Variants in NRXN1 observed in about 807,000 individuals in gnomAD.
NRXN1 encodes neurexin 1.
Under a neutral mutation model 150.9 loss-of-function variants are expected in NRXN1, and 39 were observed. The observed-to-expected ratio is 0.26, with a 90% CI of 0.20 to 0.34. The LOEUF (loss-of-function observed/expected upper bound fraction) is 0.34, where lower values mean the gene tolerates loss of function less well. Among genes scored for constraint, NRXN1 ranks in the 10% least tolerant of loss-of-function variants. The pLI is 1.00. For missense variants in NRXN1, 1,815 were observed against 1,949.9 expected (o/e 0.93, Z 1.30); for synonymous variants, 924 against 757.0 (o/e 1.22, Z -3.62).
chr2:50,575,228 C>A lies in NRXN1; in HGVS notation c.1321-22203G>T, dbSNP rs1350645231. The stretch of plus-strand genomic sequence containing the variant: ...TCACAAAAGCACTCTTATTGCAGAT[C>A]ATTTTTAATCGGAAAACTCAGTAAT... On this transcript the variant is annotated intron_variant, in intron 8 of 22. Transcript: ENST00000401669. 1.1e-4 allele frequency among the ~76,000 whole-genome samples: 16 copies of A among 152,222 alleles called. 1 individual carries two copies. The highest frequency in any genetic ancestry group is 9.2e-4 in the Admixed American group (14 of 15,286).
chr2:50,877,768 A>T (rs1678824680), intron 5 of NRXN1, among the ~76,000 whole-genome samples: 1 of 151,930 alleles, frequency 6.6e-6, no homozygotes, highest in Admixed American at 6.6e-5. Context: ...TAAAACCATG[A>T]GTGTAACTTG....
intron 5 of NRXN1, among the ~76,000 whole-genome samples, chr2:50,755,145 C>T (rs2105349832): frequency 6.6e-6 from 1 of 151,922 alleles, no homozygotes; most frequent in South Asian, 2.1e-4. Flanking sequence ...TTGAGAACTG[C>T]TCCACTGGAC....
At chr2:50,151,155 C>A (rs566112986) in intron 18 of NRXN1, among the ~76,000 whole-genome samples, 2 of 151,710 alleles carry the variant, frequency 1.3e-5, no homozygotes, top group African/African-American at 4.8e-5. Flanking sequence ...TGATTTCTGA[C>A]AGTGCCTGAA....
At chr2:50,779,727 C>T (rs1210204759) in intron 5 of NRXN1, among the ~76,000 whole-genome samples, 1 of 151,920 alleles carries the variant, frequency 6.6e-6, no homozygotes, top group Non-Finnish European at 1.5e-5. Flanking sequence ...GAGATCGCGC[C>T]ACTGCACTCC....
At chr2:50,133,341 G>A (rs1042036989) in intron 18 of NRXN1, among the ~76,000 whole-genome samples, 7 of 138,758 alleles carry the variant, frequency 5.0e-5, no homozygotes, top group African/African-American at 1.6e-4. Flanking sequence ...TCAGCAATCT[G>A]GTTTCAGAGG....
At chr2:50,710,050 G>C (rs536555723) in intron 5 of NRXN1, among the ~76,000 whole-genome samples, 20 of 152,270 alleles carry the variant, frequency 1.3e-4, no homozygotes, top group Non-Finnish European at 2.5e-4. Flanking sequence ...ACCAGAACAT[G>C]TGCAATGAAT....
intron 5 of NRXN1, among the ~76,000 whole-genome samples, chr2:50,854,024 A>G (rs1464152928): frequency 6.6e-6 from 1 of 152,102 alleles, no homozygotes; most frequent in African/African-American, 2.4e-5. Flanking sequence ...AATTTAAATG[A>G]TAACTACATT....
chr2:50,126,280 C>CT (rs1375126859), intron 18 of NRXN1, among the ~76,000 whole-genome samples: 1 of 151,906 alleles, frequency 6.6e-6, no homozygotes, highest in Non-Finnish European at 1.5e-5. Context: ...CCTTTCCTAT[C>CT]TTTTTTTTCT....
At chr2:49,925,281 C>CAAAAAAA (rs772838099) in intron 22 of NRXN1, among the ~76,000 whole-genome samples, 4 of 80,986 alleles carry the variant, frequency 4.9e-5, no homozygotes, top group East Asian at 4.2e-4. Context: ...CTGCCTCAAC[C>CAAAAAAA]AAAAAAAAAA....
At chr2:50,262,431 G>C (rs887826255) in intron 17 of NRXN1, among the ~76,000 whole-genome samples, 1 of 151,836 alleles carries the variant, frequency 6.6e-6, no homozygotes, top group Non-Finnish European at 1.5e-5. Flanking sequence ...AGGTTTATTA[G>C]AACCTAGTTA....
chr2:50,582,361 G>T (rs1014014039), intron 8 of NRXN1, among the ~76,000 whole-genome samples: 1 of 150,932 alleles, frequency 6.6e-6, no homozygotes, highest in Non-Finnish European at 1.5e-5. Context: ...CTCACCTGTG[G>T]TCCCAGCTAC....
chr2:50,935,088 A>G (rs1688324398), intron 2 of NRXN1, among the ~76,000 whole-genome samples: 1 of 152,144 alleles, frequency 6.6e-6, no homozygotes, highest in South Asian at 2.1e-4. Flanking sequence ...CCATTTTTCA[A>G]TGTAAGAGTT....
At chr2:50,560,184 T>G (rs563618855) in intron 8 of NRXN1, among the ~76,000 whole-genome samples, 1 of 152,316 alleles carries the variant, frequency 6.6e-6, no homozygotes, top group African/African-American at 2.4e-5. Context: ...GCATAGGACA[T>G]GATTCTAGCA....
chr2:50,257,480 T>A (rs1377975691), intron 17 of NRXN1, among the ~76,000 whole-genome samples: 2 of 152,112 alleles, frequency 1.3e-5, no homozygotes, highest in Non-Finnish European at 2.9e-5. Flanking sequence ...TTTTGAGATT[T>A]AAATCTTCTC....
intron 22 of NRXN1, among the ~76,000 whole-genome samples, chr2:49,924,392 T>G (rs1006888800): frequency 6.6e-6 from 1 of 152,204 alleles, no homozygotes; most frequent in South Asian, 2.1e-4. Flanking sequence ...ATATTTTGTA[T>G]ACTAAGAATA....
intron 5 of NRXN1, among the ~76,000 whole-genome samples, chr2:50,733,821 T>C (rs1307970827): frequency 6.6e-6 from 1 of 152,198 alleles, no homozygotes; most frequent in African/African-American, 2.4e-5. Flanking sequence ...AAATTGAACT[T>C]AACTAGCAAA....
chr2:50,175,705 G>C (rs1420841242), intron 18 of NRXN1, among the ~76,000 whole-genome samples: 1 of 151,960 alleles, frequency 6.6e-6, no homozygotes, highest in Non-Finnish European at 1.5e-5. Context: ...TTATGTATAA[G>C]AGATTCAGAG....
At chr2:50,624,766 G>C (rs1478560548) in intron 5 of NRXN1, 1 of 152,036 alleles carries the variant, frequency 6.6e-6, no homozygotes, top group African/African-American at 2.4e-5. Flanking sequence ...GGGATAGCAT[G>C]TAAATGAAGT....
intron 5 of NRXN1, among the ~76,000 whole-genome samples, chr2:50,897,327 A>G (rs1247337068): frequency 6.6e-6 from 1 of 152,184 alleles, no homozygotes; most frequent in African/African-American, 2.4e-5. Flanking sequence ...TGAACTTGCT[A>G]CTTTCAACAC....
Sources: allele counts gnomAD v4.1 joint callset (sites outside exome capture counted in the v4.1 genomes callset), GRCh38; gene constraint gnomAD v4.1.1; transcripts MANE v1.5; gene names NCBI Gene and HGNC (gene_info 2026-07-23, HGNC 2026-07-21).